KCNQ1: variants seen among roughly 807,000 people sequenced by gnomAD.
The protein encoded by KCNQ1 is potassium voltage-gated channel subfamily KQT member 1.
Under a neutral mutation model 72.4 loss-of-function variants are expected in KCNQ1, and 49 were observed. The observed-to-expected ratio is 0.68, with a 90% CI of 0.54 to 0.86. The LOEUF (loss-of-function observed/expected upper bound fraction) is 0.86. Among genes scored for constraint, KCNQ1 ranks in the 40% least tolerant of loss-of-function variants. The pLI is 0.00. For synonymous variants in KCNQ1, 450 were observed against 412.6 expected, an observed-to-expected ratio of 1.09 and a Z score of -1.10; for missense variants, 790 against 945.1, an observed-to-expected ratio of 0.84 and a Z score of 2.15.
chr11:2,699,469 C>T (rs1454811761), intron 11 of KCNQ1: 23 of 383,548 alleles, frequency 6.0e-5, no homozygotes, highest in Middle Eastern at 6.4e-4. Context: ...GGGAGAGTGC[C>T]GCGCTGAGGA....
chr11:2,589,049 G>A (rs1011848920), intron 10 of KCNQ1, among the ~76,000 whole-genome samples, 195 bp downstream of exon 10: 4 of 152,196 alleles, frequency 2.6e-5, no homozygotes, highest in Non-Finnish European at 5.9e-5. Flanking sequence ...TCCCAAGGAG[G>A]AGCTGGCCAC....
chr11:2,731,128 G>A lies in KCNQ1; in HGVS notation c.1515-37716G>A, dbSNP rs559214390. 1.5e-4 allele frequency among the ~76,000 whole-genome samples: 23 copies of A among 152,328 alleles called. No individual in the cohort carries two copies. In the East Asian group the frequency reaches 3.3e-3, roughly 22 times the overall value. ...AGGGCAGCCAGGCACCTCTGTTCAC[G>A]GCAGGGGCTGCGTTGCCCAGCCTGG... On this transcript the variant is annotated intron_variant, in intron 11 of 15. Transcript: ENST00000155840.
rs1198999468 is a variant in KCNQ1 at position 2,566,024 on chromosome 11, G to A, written c.478-4604G>A. ...CACTAGATGACCACCAAGGCAGGGC[G>A]GCTGGTGGTGCTGACGGCTCTGTGA... On this transcript the variant is annotated intron_variant, in intron 2 of 15. Coordinates refer to ENST00000155840, the MANE Select transcript of KCNQ1 (RefSeq NM_000218.3). This position sits in a 1 kb window ranked among gnomAD's most constrained non-coding sequence, Gnocchi z 6.7. Among the ~76,000 whole-genome samples, 2 of 151,832 alleles carry A rather than the reference G, an allele frequency of 1.3e-5. No homozygotes were observed. The highest frequency in any genetic ancestry group is 2.9e-5 in the Non-Finnish European group (2 of 68,004).
chr11:2,705,426 T>C (rs1473963187), intron 11 of KCNQ1, among the ~76,000 whole-genome samples: 1 of 152,164 alleles, frequency 6.6e-6, no homozygotes, highest in African/African-American at 2.4e-5. Flanking sequence ...GCGGGTTAAC[T>C]CAGCAGCTGT....
chr11:2,650,663 C>T (rs1007032881), intron 10 of KCNQ1: 6 of 398,492 alleles, frequency 1.5e-5, no homozygotes, highest in Admixed American at 1.3e-4. Context: ...TTTGACAAAG[C>T]ATTTTAAGCC....
intron 15 of KCNQ1, among the ~76,000 whole-genome samples, chr11:2,821,732 C>G (rs904640460): frequency 6.6e-6 from 1 of 152,144 alleles, no homozygotes; most frequent in Non-Finnish European, 1.5e-5. Context: ...ATCTCCCCAC[C>G]TTTTCCTGGC....
At chr11:2,726,592 C>T (rs1845768820) in intron 11 of KCNQ1, among the ~76,000 whole-genome samples, 1 of 152,176 alleles carries the variant, frequency 6.6e-6, no homozygotes, top group Admixed American at 6.5e-5. Flanking sequence ...TGGGTGGGAC[C>T]CCGGTGAAGA....
At chr11:2,449,560 C>T (rs968158041) in intron 1 of KCNQ1, among the ~76,000 whole-genome samples, 2 of 152,192 alleles carry the variant, frequency 1.3e-5, no homozygotes, top group South Asian at 2.1e-4. Flanking sequence ...GCCATCCTGG[C>T]ATGTGGCACG....
chr11:2,820,825 G>A (rs549927495), intron 15 of KCNQ1, among the ~76,000 whole-genome samples: 93 of 152,266 alleles, frequency 6.1e-4, no homozygotes, highest in African/African-American at 2.1e-3. Flanking sequence ...AGCCCCTCTG[G>A]AAGCTGCTGG....
At chr11:2,480,291 C>T (rs1846632246) in intron 1 of KCNQ1, among the ~76,000 whole-genome samples, 1 of 152,178 alleles carries the variant, frequency 6.6e-6, no homozygotes, top group Non-Finnish European at 1.5e-5. Context: ...CATTTTCATG[C>T]TGCTGATAAA....
chr11:2,626,523 A>G lies in KCNQ1; in HGVS notation c.1394-35438A>G. ...TAGTTTTGATTACTGTAGCTTCGTAATAAGTTGGGGTTTTTGTTTGTTTTT... is the reference window on the plus strand; with the variant it reads ...TAGTTTTGATTACTGTAGCTTCGTAGTAAGTTGGGGTTTTTGTTTGTTTTT... On this transcript the variant is annotated intron_variant, in intron 10 of 15. Transcript: ENST00000155840. This position sits in a 1 kb window ranked among gnomAD's most constrained non-coding sequence, Gnocchi z 4.0. 2.5e-6 allele frequency: 1 copy of G among 398,506 alleles called. No homozygotes were observed. The highest frequency in any genetic ancestry group is 4.4e-6 in the Non-Finnish European group (1 of 226,058). The allele number at this position is 398,506 out of a possible 1,614,324, so 24.7% of individuals were successfully genotyped here.
chr11:2,630,355 T>C (rs934993152), intron 10 of KCNQ1: 6 of 398,126 alleles, frequency 1.5e-5, no homozygotes, highest in African/African-American at 1.2e-4. Context: ...CATAAAAAAA[T>C]ATCAGCCAGT....
At position 2,592,191 on chromosome 11, in the gene KCNQ1, G is replaced by A. The variant is rs987866455; in HGVS notation, c.1393+3337G>A. Among the ~76,000 whole-genome samples the A allele has an allele frequency of 1.3e-5, 2 of 152,254 alleles. No individual in the cohort carries two copies. The highest frequency in any genetic ancestry group is 4.8e-5 in the African/African-American group (2 of 41,468). On this transcript the variant is annotated intron_variant, in intron 10 of 15. Transcript: ENST00000155840. The surrounding 1 kb of genome is among the most constrained non-coding windows in gnomAD (Gnocchi z 5.2). ...GCCCCTTCAGCTCGTGCTCTAGCTG[G>A]TGCTGTGCGGTGTTGGCCCCATTTA... is the stretch of plus-strand genomic sequence containing the variant.
At position 2,772,177 on chromosome 11, in the gene KCNQ1, G is replaced by A. The variant is rs537958362; in HGVS notation, c.1590+3258G>A. On this transcript the variant is annotated intron_variant, in intron 12 of 15. Transcript: ENST00000155840. This position sits in a 1 kb window ranked among gnomAD's most constrained non-coding sequence, Gnocchi z 6.6. ...GTGTGTGGCTCCAGGGGCTCCCCTA[G>A]CCCACCTCTCAGGATGCTTCCCTTC... 6.6e-6 allele frequency among the ~76,000 whole-genome samples: 1 copy of A among 151,994 alleles called. No individual in the cohort carries two copies. Among genetic ancestry groups the A allele is most frequent in the Non-Finnish European group, 1.5e-5 (1 of 67,960 alleles).
intron 1 of KCNQ1, among the ~76,000 whole-genome samples, chr11:2,506,109 C>T (rs1380050201): frequency 3.3e-5 from 5 of 152,202 alleles, no homozygotes; most frequent in African/African-American, 7.2e-5. Flanking sequence ...CACTGTTCAC[C>T]GGAGCCTGTG....
chr11:2,804,485 G>A (rs963672890), intron 15 of KCNQ1, among the ~76,000 whole-genome samples: 12 of 152,248 alleles, frequency 7.9e-5, no homozygotes, highest in South Asian at 2.1e-4. Flanking sequence ...GATGGAGGCC[G>A]GAACAGAGCC....
intron 15 of KCNQ1, among the ~76,000 whole-genome samples, chr11:2,820,041 T>C (rs1847699126): frequency 6.6e-6 from 1 of 152,274 alleles, no homozygotes; most frequent in Non-Finnish European, 1.5e-5. Context: ...CATTTGGTTT[T>C]ATTGGTCAAT....
intron 1 of KCNQ1, among the ~76,000 whole-genome samples, chr11:2,466,877 TCTC>T (rs960093162): frequency 5.3e-5 from 8 of 152,148 alleles, no homozygotes; most frequent in African/African-American, 1.9e-4. Flanking sequence ...TCCTCTGTGG[TCTC>T]CTCTGCCCGC....
intron 2 of KCNQ1, among the ~76,000 whole-genome samples, chr11:2,539,860 G>A (rs1847795285): frequency 6.6e-6 from 1 of 152,234 alleles, no homozygotes; most frequent in African/African-American, 2.4e-5. Context: ...ACGTTCGGTG[G>A]GGGTCTCTGG....
Sources: allele counts gnomAD v4.1 joint callset (sites outside exome capture counted in the v4.1 genomes callset), GRCh38; gene constraint gnomAD v4.1.1; non-coding constraint Gnocchi (gnomAD v3.1); transcripts MANE v1.5; gene names NCBI Gene and HGNC (gene_info 2026-07-23, HGNC 2026-07-21).